The following ATG7 variants were observed in gnomAD, a reference collection of about 807,000 sequenced individuals.
ATG7 encodes ubiquitin-like modifier-activating enzyme ATG7.
Under a neutral mutation model 82.4 loss-of-function variants are expected in ATG7, and 70 were observed. The observed-to-expected ratio is 0.85, with a 90% confidence interval of 0.70 to 1.04. The LOEUF (loss-of-function observed/expected upper bound fraction) is 1.04. Among genes scored for constraint, ATG7 ranks in the 50% least tolerant of loss-of-function variants. ATG7 has a pLI of 0.00. For synonymous variants in ATG7, 287 were observed against 313.0 expected, an observed-to-expected ratio of 0.92 and a Z score of 0.88; for missense variants, 792 against 864.3, an observed-to-expected ratio of 0.92 and a Z score of 1.05.
rs534560901 is a variant in ATG7, at chr3:11,326,391, C to T, written c.679-4949C>T. Among the ~76,000 whole-genome samples the T allele has an allele frequency of 9.2e-5, 14 of 152,198 alleles. No homozygotes were observed. The South Asian group carries it at 1.7e-3, about 18-fold the overall frequency. The stretch of plus-strand genomic sequence containing the variant: ...TTGGCTCACTGCAACCTCCACCTCC[C>T]GGGTTCACACCATTCTCCTGCCTCA... On this transcript the variant is annotated intron_variant, in intron 9 of 20. Transcript: ENST00000693202.
At chr3:11,295,055 T>C (rs889758618) in intron 3 of ATG7, among the ~76,000 whole-genome samples, 2 of 152,144 alleles carry the variant, frequency 1.3e-5, no homozygotes, top group African/African-American at 4.8e-5. Flanking sequence ...GAGGTTGCAG[T>C]GAGCCGAGAC....
chr3:11,543,384 T>G (rs2071001657), intron 20 of ATG7, among the ~76,000 whole-genome samples: 1 of 152,148 alleles, frequency 6.6e-6, no homozygotes. Context: ...CCCCCACAGT[T>G]CTGTTTCCTT....
Position 11,347,975 on chromosome 3 carries a change from G to T in ATG7, c.1224G>T (p.Gly408=). 1 of 1,614,164 alleles carries T rather than the reference G, an allele frequency of 6.2e-7. No homozygotes were observed. Among genetic ancestry groups the T allele is most frequent in the South Asian group, 1.1e-5 (1 of 91,074 alleles). ...QPLYEFEDCL[G]GGKPKALAAA... Reference sequence around the variant, plus strand: ...TCTATGAGTTTGAAGATTGCCTAGGGGGTGGTAAGCCCAAGGCTCTGGCAG... The same window carrying T: ...TCTATGAGTTTGAAGATTGCCTAGGTGGTGGTAAGCCCAAGGCTCTGGCAG... The change falls in exon 14 of 21, where the codon GGG becomes GGT. Residue 408 remains glycine, a synonymous_variant. Coordinates refer to ENST00000693202, the MANE Select transcript of ATG7 (RefSeq NM_001349232.2).
At chr3:11,390,032 G>C (rs1311439390) in intron 19 of ATG7, among the ~76,000 whole-genome samples, 1 of 152,122 alleles carries the variant, frequency 6.6e-6, no homozygotes, top group Admixed American at 6.5e-5. Flanking sequence ...GAAGGGAGAG[G>C]GTAACGAAAG....
At chr3:11,399,122 C>G (rs1008428224) in intron 19 of ATG7, among the ~76,000 whole-genome samples, 1 of 152,130 alleles carries the variant, frequency 6.6e-6, no homozygotes, top group Non-Finnish European at 1.5e-5. Flanking sequence ...CTGAGATAGG[C>G]GGATCACTTA....
At chr3:11,499,065 G>A (rs2091105296) in intron 20 of ATG7, among the ~76,000 whole-genome samples, 2 of 152,098 alleles carry the variant, frequency 1.3e-5, no homozygotes, top group South Asian at 2.1e-4. Context: ...AAGTAGTTAG[G>A]ACCAAACAAT....
intron 19 of ATG7, among the ~76,000 whole-genome samples, chr3:11,412,750 A>G (rs1459954468): frequency 1.3e-5 from 2 of 152,186 alleles, no homozygotes; most frequent in African/African-American, 2.4e-5. Flanking sequence ...AGAGATCACA[A>G]TGAATCTGTA....
chr3:11,286,579 C>CTT (rs1944057448), intron 3 of ATG7, among the ~76,000 whole-genome samples: 2 of 62,368 alleles, frequency 3.2e-5, no homozygotes, highest in African/African-American at 1.1e-4. Flanking sequence ...TTCTTTCTTT[C>CTT]TTTCTTTTTT....
intron 20 of ATG7, among the ~76,000 whole-genome samples, chr3:11,533,826 C>G (rs2092737859): frequency 6.6e-6 from 1 of 152,078 alleles, no homozygotes; most frequent in Non-Finnish European, 1.5e-5. Flanking sequence ...AAGCAGAAAA[C>G]TCTGAATTGT....
chr3:11,568,592 A>T, the ATG7 span: 1,763 of 1,562,760 alleles, frequency 1.1e-3, 31 homozygotes, highest in South Asian at 0.019. This position sits in a 1 kb window ranked among gnomAD's most constrained non-coding sequence, Gnocchi z 5.9. Flanking sequence ...TAGTAAAATT[A>T]TACATTACTC....
chr3:11,422,334 G>T (rs1346567546), intron 19 of ATG7, among the ~76,000 whole-genome samples: 1 of 152,190 alleles, frequency 6.6e-6, no homozygotes, highest in South Asian at 2.1e-4. Flanking sequence ...ATAACATGTT[G>T]CAGCTTCTAC....
At chr3:11,496,974 C>G (rs1215812842) in intron 20 of ATG7, among the ~76,000 whole-genome samples, 3 of 151,884 alleles carry the variant, frequency 2.0e-5, no homozygotes, top group Non-Finnish European at 4.4e-5. Flanking sequence ...GCCTCAGCCT[C>G]CTGAGGAGCT....
intron 19 of ATG7, among the ~76,000 whole-genome samples, chr3:11,404,196 G>A (rs547460646): frequency 7.4e-4 from 103 of 139,602 alleles, no homozygotes; most frequent in African/African-American, 2.3e-3. Context: ...GCAGTGGTGC[G>A]ATCTTCTCGG....
At chr3:11,335,448 ACT>A (rs1363595067) in intron 11 of ATG7, among the ~76,000 whole-genome samples, 1 of 152,144 alleles carries the variant, frequency 6.6e-6, no homozygotes, top group Admixed American at 6.6e-5. Flanking sequence ...GTTGGGCCAC[ACT>A]CAAAGCTGTC....
the ATG7 span, among the ~76,000 whole-genome samples, chr3:11,575,466 T>G: frequency 6.6e-6 from 1 of 152,258 alleles, no homozygotes; most frequent in African/African-American, 2.4e-5. Context: ...CCCCTCTCTC[T>G]CCTTGAGACT....
intron 20 of ATG7, among the ~76,000 whole-genome samples, chr3:11,530,847 G>T (rs910790248): frequency 8.5e-5 from 13 of 152,124 alleles, no homozygotes; most frequent in African/African-American, 3.1e-4. Context: ...CAGGCGTGAT[G>T]GTGCACACCT....
chr3:11,559,812 C>T (rs144388930), downstream of ATG7, among the ~76,000 whole-genome samples: 828 of 152,306 alleles, frequency 5.4e-3, 7 homozygotes, highest in African/African-American at 0.017. Context: ...CTCCCGTTAA[C>T]GTCCCCAGAG....
chr3:11,343,140 G>T (rs759629916), intron 13 of ATG7, among the ~76,000 whole-genome samples: 3 of 152,104 alleles, frequency 2.0e-5, no homozygotes, highest in African/African-American at 7.2e-5. Context: ...TGTTGTCCAG[G>T]CTGGTCTTGA....
At chr3:11,295,782 T>A (rs1225489662) in intron 3 of ATG7, among the ~76,000 whole-genome samples, 7 of 146,536 alleles carry the variant, frequency 4.8e-5, no homozygotes, top group Admixed American at 3.4e-4. Flanking sequence ...TTTTCTTTCT[T>A]TCTTTCTTTT....
Sources: allele counts gnomAD v4.1 joint callset (sites outside exome capture counted in the v4.1 genomes callset), GRCh38; gene constraint gnomAD v4.1.1; non-coding constraint Gnocchi (gnomAD v3.1); transcripts MANE v1.5; gene names NCBI Gene and HGNC (gene_info 2026-07-23, HGNC 2026-07-21).